CAMK1D: variants seen among roughly 807,000 people sequenced by gnomAD.
CAMK1D encodes the protein calcium/calmodulin dependent protein kinase ID, also known as calcium/calmodulin-dependent protein kinase type 1D.
CAMK1D carries 9 observed loss-of-function variants against 47.7 expected under a neutral mutation model. The ratio of observed to expected loss-of-function variants is 0.19; its 90% CI spans 0.11 to 0.33. The LOEUF is 0.33. Among genes scored for constraint, CAMK1D ranks in the 10% least tolerant of loss-of-function variants. CAMK1D has a pLI of 1.00. For missense variants in CAMK1D, 291 were observed against 488.7 expected, an observed-to-expected ratio of 0.60 and a Z score of 3.81; for synonymous variants, 184 against 184.9, an observed-to-expected ratio of 0.99 and a Z score of 0.04.
intron 2 of CAMK1D, among the ~76,000 whole-genome samples, chr10:12,576,483 T>A (rs1368110217): frequency 2.0e-5 from 3 of 152,130 alleles, no homozygotes; most frequent in African/African-American, 7.2e-5. Context: ...TACATTATAA[T>A]ATATAATGAA....
At chr10:12,667,540 C>T (rs1840472721) in intron 3 of CAMK1D, among the ~76,000 whole-genome samples, 1 of 152,178 alleles carries the variant, frequency 6.6e-6, no homozygotes, top group South Asian at 2.1e-4. Context: ...AGGAATATCC[C>T]AGGGCTACAT....
At chr10:12,818,496 C>T (rs1832892982) in intron 8 of CAMK1D, among the ~76,000 whole-genome samples, 1 of 152,026 alleles carries the variant, frequency 6.6e-6, no homozygotes, top group African/African-American at 2.4e-5. Flanking sequence ...CATGGTGAAA[C>T]CCCGTGTCTA....
intron 6 of CAMK1D, among the ~76,000 whole-genome samples, chr10:12,812,578 T>C (rs926555035): frequency 2.0e-5 from 3 of 152,072 alleles, no homozygotes; most frequent in Non-Finnish European, 4.4e-5. Flanking sequence ...ATCACGCCAT[T>C]GTGCTCCAGC....
chr10:12,520,972 G>GGGGGAGGGGGAT, intron 1 of CAMK1D, among the ~76,000 whole-genome samples: 1 of 28,758 alleles, frequency 3.5e-5, no homozygotes, highest in Non-Finnish European at 7.8e-5. Context: ...GGGAGGGGGA[G>GGGGGAGGGGGAT]AGCTTTATTC....
chr10:12,458,588 ATTG>A (rs1030277682), intron 1 of CAMK1D, among the ~76,000 whole-genome samples: 11 of 151,402 alleles, frequency 7.3e-5, no homozygotes, highest in Non-Finnish European at 1.6e-4. Context: ...AACTAATTTT[ATTG>A]TTATTATTAA....
At chr10:12,411,756 G>A (rs914788424) in intron 1 of CAMK1D, among the ~76,000 whole-genome samples, 2 of 151,850 alleles carry the variant, frequency 1.3e-5, no homozygotes, top group Admixed American at 6.6e-5. Flanking sequence ...CCACCACCAC[G>A]CCTGGCTATT....
intron 1 of CAMK1D, among the ~76,000 whole-genome samples, chr10:12,387,426 TTTATATA>T (rs1838553881): frequency 1.7e-5 from 1 of 60,476 alleles, no homozygotes; most frequent in Non-Finnish European, 3.3e-5. Context: ...TTTTATATAT[TTTATATA>T]TTATATATAT....
chr10:12,371,112 G>A lies in CAMK1D; in HGVS notation c.92+21202G>A, dbSNP rs536180097. Among the ~76,000 whole-genome samples, 14 of 152,140 alleles carry A rather than the reference G, an allele frequency of 9.2e-5. 1 individual carries two copies. Among genetic ancestry groups the A allele is most frequent in the Admixed American group, 5.9e-4 (9 of 15,266 alleles). On this transcript the variant is annotated intron_variant, in intron 1 of 10. Transcript: ENST00000619168. The stretch of plus-strand genomic sequence containing the variant: ...AAGAAAAATTAAAACAATAACTTTA[G>A]TATAGCCTAAGTGTACAATATGTAT...
At chr10:12,434,557 A>G (rs1289810701) in intron 1 of CAMK1D, among the ~76,000 whole-genome samples, 1 of 152,334 alleles carries the variant, frequency 6.6e-6, no homozygotes, top group Middle Eastern at 3.4e-3. Flanking sequence ...TTACTGGCCT[A>G]GAATTAGCTG....
intron 3 of CAMK1D, among the ~76,000 whole-genome samples, chr10:12,684,989 A>T (rs1832594934): frequency 6.6e-6 from 1 of 152,252 alleles, no homozygotes; most frequent in Admixed American, 6.5e-5. Context: ...CCTAGAGTTA[A>T]GCCTTGTTTT....
At chr10:12,422,146 T>C (rs1411657142) in intron 1 of CAMK1D, among the ~76,000 whole-genome samples, 1 of 152,160 alleles carries the variant, frequency 6.6e-6, no homozygotes, top group Admixed American at 6.5e-5. Context: ...CATGCCCTTG[T>C]GGTTTTTATT....
At chr10:12,740,768 GTTTTTTTTGCAT>G (rs1835393282) in intron 3 of CAMK1D, among the ~76,000 whole-genome samples, 1 of 151,864 alleles carries the variant, frequency 6.6e-6, no homozygotes, top group East Asian at 1.9e-4. Context: ...TTTTGTTTTT[GTTTTTTTTGCAT>G]AGGACAACAC....
At chr10:12,633,117 A>G (rs1453134856) in intron 2 of CAMK1D, among the ~76,000 whole-genome samples, 2 of 152,148 alleles carry the variant, frequency 1.3e-5, no homozygotes, top group African/African-American at 2.4e-5. Flanking sequence ...TGATAGTTAC[A>G]CAGGAGCTGA....
At chr10:12,639,228 G>A (rs1436086325) in intron 2 of CAMK1D, among the ~76,000 whole-genome samples, 1 of 152,362 alleles carries the variant, frequency 6.6e-6, no homozygotes, top group Middle Eastern at 3.4e-3. Context: ...GCTCACGCCT[G>A]TAATCCCAGC....
chr10:12,621,709 G>A (rs78287969), intron 2 of CAMK1D, among the ~76,000 whole-genome samples: 2,804 of 152,212 alleles, frequency 0.018, 95 homozygotes, highest in African/African-American at 0.064. Flanking sequence ...ATTGGTGTCC[G>A]TATGTTCATT....
intron 1 of CAMK1D, among the ~76,000 whole-genome samples, chr10:12,424,011 G>T (rs908616656): frequency 5.3e-5 from 8 of 152,070 alleles, no homozygotes; most frequent in Non-Finnish European, 1.2e-4. Flanking sequence ...CACCCATCTC[G>T]CCGTCTTTGG....
At chr10:12,618,072 G>T (rs34535963) in intron 2 of CAMK1D, among the ~76,000 whole-genome samples, 1 of 9,436 alleles carries the variant, frequency 1.1e-4, no homozygotes, top group South Asian at 1.4e-3. Context: ...ATTTGTTTTG[G>T]ATCTAGTATT....
chr10:12,641,502 G>C (rs1839664572), intron 2 of CAMK1D, among the ~76,000 whole-genome samples: 1 of 151,644 alleles, frequency 6.6e-6, no homozygotes, highest in Admixed American at 6.6e-5. Context: ...TGCACCTGTA[G>C]TCCTGGTTGG....
At position 12,384,641 on chromosome 10, in the gene CAMK1D, A is replaced by G. The variant is rs574097079; in HGVS notation, c.92+34731A>G. On this transcript the variant is annotated intron_variant, in intron 1 of 10. Coordinates refer to ENST00000619168, the MANE Select transcript of CAMK1D (RefSeq NM_153498.4). Reference sequence around the variant, plus strand: ...GAGCAACTAGATATTCGTATATGAAAGAGTGAATTTGGACCATTGTCTCAC... The same window carrying G: ...GAGCAACTAGATATTCGTATATGAAGGAGTGAATTTGGACCATTGTCTCAC... 9.2e-5 allele frequency among the ~76,000 whole-genome samples: 14 copies of G among 152,364 alleles called. No homozygotes were observed. The East Asian group carries it at 2.5e-3, about 27-fold the overall frequency.
Sources: gnomAD v4.1 joint callset for allele counts (sites outside exome capture counted in the v4.1 genomes callset) on GRCh38, gnomAD v4.1.1 for gene constraint, MANE v1.5 for transcripts, NCBI Gene and HGNC (gene_info 2026-07-23, HGNC 2026-07-21) for gene names.